TMEM268: variants seen among roughly 807,000 people sequenced by gnomAD.
TMEM268 encodes the protein transmembrane protein C9orf91.
A neutral mutation model predicts 39.1 loss-of-function variants in TMEM268; 24 were observed. The ratio of observed to expected loss-of-function variants is 0.61; its 90% CI spans 0.44 to 0.86. TMEM268 has a LOEUF of 0.86. Among genes scored for constraint, TMEM268 ranks in the 40% least tolerant of loss-of-function variants. The pLI, the probability that TMEM268 is intolerant of heterozygous loss-of-function variation, is 0.00. For synonymous variants in TMEM268, 176 were observed against 173.5 expected, an observed-to-expected ratio of 1.01 and a Z score of -0.12; for missense variants, 409 against 428.6, an observed-to-expected ratio of 0.95 and a Z score of 0.40.
At chr9:114,635,789 G>A (rs1327664279) in intron 6 of TMEM268, among the ~76,000 whole-genome samples, 2 of 152,216 alleles carry the variant, frequency 1.3e-5, no homozygotes, top group Non-Finnish European at 2.9e-5. Flanking sequence ...GATTCACTGG[G>A]GGGTGCAGTG....
At position 114,627,010 on chromosome 9, in the gene TMEM268, A is replaced by C. The variant is rs1436171305; in HGVS notation, c.324+4A>C. The C allele has an allele frequency of 1.9e-6, 3 of 1,600,092 alleles. No individual in the cohort carries two copies. The highest frequency in any genetic ancestry group is 2.6e-6 in the Non-Finnish European group (3 of 1,167,878). ...TATGCGGCTGGCCTTTGCTGTGGTA[A>C]GGGGGAGGTGGCCCGCACACTGACC... On this transcript the variant is annotated splice_donor_region_variant and intron_variant, in intron 4 of 8. Transcript: ENST00000288502.
At chr9:114,639,183 T>C (rs1846781122) in intron 8 of TMEM268, among the ~76,000 whole-genome samples, 1 of 152,156 alleles carries the variant, frequency 6.6e-6, no homozygotes, top group South Asian at 2.1e-4. Flanking sequence ...TCACCCAGGC[T>C]GGGGTGCAGT....
rs1845472188 is a variant in TMEM268, at chr9:114,611,311, T to G, written c.-332T>G. 6.6e-6 allele frequency: 1 copy of G among 151,712 alleles called. No homozygotes were observed. Among genetic ancestry groups the G allele is most frequent in the African/African-American group, 2.4e-5 (1 of 41,294 alleles). The allele number at this position is 151,712 out of a possible 1,614,324, so 9.4% of individuals were successfully genotyped here. On this transcript the variant is annotated 5_prime_UTR_variant, in exon 1 of 9. Transcript: ENST00000288502. ...CGGCTGATGAAACGCGGCCTCCAGC[T>G]CCGCTCCGCCGCGGGCCCGGGAGGC...
At chr9:114,637,118 T>C (rs755127380) in intron 7 of TMEM268, 48 bp downstream of exon 7, 7 of 1,219,018 alleles carry the variant, frequency 5.7e-6, no homozygotes, top group African/African-American at 1.5e-5. Flanking sequence ...GGAGGCCAAG[T>C]TGTATCGATT....
chr9:114,623,007 T>C (rs1242162987), intron 2 of TMEM268, among the ~76,000 whole-genome samples: 4 of 151,974 alleles, frequency 2.6e-5, no homozygotes, highest in Non-Finnish European at 1.5e-5. Context: ...CAAGAATCAC[T>C]TGAACCTGGG....
chr9:114,630,043 A>C (rs1846323508), intron 5 of TMEM268, among the ~76,000 whole-genome samples: 1 of 152,226 alleles, frequency 6.6e-6, no homozygotes, highest in Admixed American at 6.5e-5. Context: ...CAAGCAAAAA[A>C]GATTGGCACC....
chr9:114,626,845 C>G, intron 3 of TMEM268, 54 bp from the exon 4 acceptor site: 1 of 1,365,552 alleles, frequency 7.3e-7, no homozygotes, highest in African/African-American at 1.4e-5. Context: ...GTCACATGCA[C>G]TGGAAACTGG....
At position 114,625,427 on chromosome 9, in the gene TMEM268, G is replaced by T. The variant is rs79306198; in HGVS notation, c.216+968G>T. 5.9e-3 allele frequency among the ~76,000 whole-genome samples: 870 copies of T among 146,316 alleles called. 11 individuals carry two copies. Among genetic ancestry groups the T allele is most frequent in the African/African-American group, 0.021 (832 of 39,628 alleles). ...TGCTAATTTTAGCCTGAAGATTTTA[G>T]AATTTACTTCTTCTTCTTTTTTTTT... On this transcript the variant is annotated intron_variant, in intron 3 of 8. Transcript: ENST00000288502.
chr9:114,635,107 G>T (rs1846573869), intron 6 of TMEM268, among the ~76,000 whole-genome samples: 1 of 152,156 alleles, frequency 6.6e-6, no homozygotes, highest in South Asian at 2.1e-4. Context: ...TTGGGAGGCT[G>T]AGGCGGATGG....
chr9:114,620,933 A>AG (rs1845922350), intron 2 of TMEM268, among the ~76,000 whole-genome samples: 1 of 151,974 alleles, frequency 6.6e-6, no homozygotes, highest in Non-Finnish European at 1.5e-5. Flanking sequence ...TTCCAAAAAA[A>AG]AACAGGAGAG....
chr9:114,632,273 T>A (rs1055494638), intron 5 of TMEM268, among the ~76,000 whole-genome samples: 1 of 152,140 alleles, frequency 6.6e-6, no homozygotes, highest in African/African-American at 2.4e-5. Flanking sequence ...TAATAGGACA[T>A]GTCTTTCAGT....
intron 8 of TMEM268, among the ~76,000 whole-genome samples, chr9:114,640,556 A>C (rs1203162923): frequency 6.6e-6 from 1 of 152,240 alleles, no homozygotes; most frequent in African/African-American, 2.4e-5. Flanking sequence ...CAAGGTTGCC[A>C]GAAAGGGAGA....
intron 4 of TMEM268, 29 bp from the exon 5 acceptor site, chr9:114,628,072 G>T: frequency 6.2e-7 from 1 of 1,609,626 alleles, no homozygotes. Context: ...TGAAGTTCCT[G>T]ACCATGCTCT....
chr9:114,636,948 C>A, intron 6 of TMEM268, 42 bp from the exon 7 acceptor site: 1 of 1,374,822 alleles, frequency 7.3e-7, no homozygotes, highest in Non-Finnish European at 1.0e-6. Context: ...CAGGGTTGGG[C>A]TGCCCTTGAG....
At chr9:114,610,247 C>A (rs1028225619), upstream of TMEM268, among the ~76,000 whole-genome samples, 62 of 152,302 alleles carry the variant, frequency 4.1e-4, no homozygotes, top group African/African-American at 1.4e-3. Flanking sequence ...CCATGTTGAT[C>A]AGGCTGGTCT....
chr9:114,641,899 C>CA, intron 8 of TMEM268, among the ~76,000 whole-genome samples: 1 of 151,718 alleles, frequency 6.6e-6, no homozygotes. Flanking sequence ...CTTGGCCTCT[C>CA]AAAGTGCTGG....
At chr9:114,639,463 A>G (rs1411219497) in intron 8 of TMEM268, among the ~76,000 whole-genome samples, 1 of 152,050 alleles carries the variant, frequency 6.6e-6, no homozygotes, top group Non-Finnish European at 1.5e-5. Context: ...CCTGCCATCC[A>G]CACTGTCTCT....
intron 7 of TMEM268, among the ~76,000 whole-genome samples, chr9:114,638,068 G>T (rs1438384136): frequency 6.6e-6 from 1 of 152,208 alleles, no homozygotes; most frequent in East Asian, 1.9e-4. Flanking sequence ...TTGAGGCAGA[G>T]TCTTGCTGTG....
chr9:114,622,236 A>C, intron 2 of TMEM268: 1 of 985,364 alleles, frequency 1.0e-6, no homozygotes, highest in South Asian at 4.7e-5. Context: ...GGGTGACAGG[A>C]GTTTTGGATC....
Sources: allele counts gnomAD v4.1 joint callset (sites outside exome capture counted in the v4.1 genomes callset), GRCh38; gene constraint gnomAD v4.1.1; transcripts MANE v1.5; gene names NCBI Gene and HGNC (gene_info 2026-07-23, HGNC 2026-07-21).